The following BLTP1 variants were observed in gnomAD, a reference collection of about 807,000 sequenced individuals.
BLTP1 encodes the protein fragile site-associated protein.
the BLTP1 span, chr4:122,331,627 C>T: frequency 2.0e-6 from 3 of 1,473,202 alleles, no homozygotes; most frequent in Non-Finnish European, 2.7e-6. Context: ...CAAACTTCTC[C>T]ATCCCAAAAT....
the BLTP1 span, among the ~76,000 whole-genome samples, chr4:122,268,565 TAA>T: frequency 3.8e-4 from 58 of 152,312 alleles, 1 homozygote; most frequent in Admixed American, 1.7e-3. Flanking sequence ...GGCTAGATAT[TAA>T]GAGTGTCTCA....
the BLTP1 span, among the ~76,000 whole-genome samples, chr4:122,179,389 C>G: frequency 6.6e-6 from 1 of 152,108 alleles, no homozygotes; most frequent in African/African-American, 2.4e-5. Flanking sequence ...CTATTTAGTT[C>G]ACCTGCATTA....
the BLTP1 span, among the ~76,000 whole-genome samples, chr4:122,318,455 G>A: frequency 1.3e-5 from 2 of 152,154 alleles, no homozygotes; most frequent in African/African-American, 4.8e-5. Context: ...TGAGACACAG[G>A]TCAAGTAATT....
chr4:122,160,969 C>G, the BLTP1 span: 1 of 173,816 alleles, frequency 5.8e-6, no homozygotes, highest in Non-Finnish European at 1.1e-5. Context: ...ATATTGATCA[C>G]TAAATGTAGA....
chr4:122,190,474 ATCT>A, the BLTP1 span: 5 of 918,016 alleles, frequency 5.4e-6, no homozygotes, highest in Admixed American at 6.2e-5. Context: ...AATATTTTAA[ATCT>A]TCTTGCTTAG....
At chr4:122,325,505 T>C in the BLTP1 span, 1 of 985,018 alleles carries the variant, frequency 1.0e-6, no homozygotes, top group Non-Finnish European at 1.2e-6. Flanking sequence ...CTGAGAGCCA[T>C]GAAGCAGGTG....
At chr4:122,224,381 A>T in the BLTP1 span, 1 of 1,120,234 alleles carries the variant, frequency 8.9e-7, no homozygotes, top group Non-Finnish European at 1.2e-6. Flanking sequence ...GGATTCTGAA[A>T]CCTTATAGAT....
At chr4:122,332,198 A>G in the BLTP1 span, among the ~76,000 whole-genome samples, 12 of 151,990 alleles carry the variant, frequency 7.9e-5, no homozygotes, top group African/African-American at 2.9e-4. Context: ...TAATGATACT[A>G]TTCTGATTAT....
chr4:122,227,128 A>G, the BLTP1 span: 2 of 811,496 alleles, frequency 2.5e-6, no homozygotes, highest in South Asian at 4.8e-5. Flanking sequence ...TTGTTGGGAT[A>G]TGGCTATATA....
chr4:122,279,457 C>A, the BLTP1 span, among the ~76,000 whole-genome samples: 1 of 152,102 alleles, frequency 6.6e-6, no homozygotes, highest in Non-Finnish European at 1.5e-5. Context: ...CCAAACTTCA[C>A]CATAAACTTG....
chr4:122,331,541 G>A, the BLTP1 span: 2 of 1,608,538 alleles, frequency 1.2e-6, no homozygotes, highest in African/African-American at 1.3e-5. Context: ...AGTTTGAGAA[G>A]GTAAGAAATT....
chr4:122,301,738 T>G, the BLTP1 span, among the ~76,000 whole-genome samples: 304 of 152,326 alleles, frequency 2.0e-3, 1 homozygote, highest in African/African-American at 7.0e-3. Context: ...GACGAACATT[T>G]TGTTTTTCTT....
At chr4:122,229,681 C>T in the BLTP1 span, 2 of 952,196 alleles carry the variant, frequency 2.1e-6, no homozygotes, top group African/African-American at 1.8e-5. Flanking sequence ...TCTTGTTCGC[C>T]TGTGGATTTC....
chr4:122,209,339 T>C, the BLTP1 span: 1 of 1,610,756 alleles, frequency 6.2e-7, no homozygotes, highest in Admixed American at 1.7e-5. Flanking sequence ...TCAGGAAAAG[T>C]GAGTACGTAA....
At chr4:122,261,220 C>A in the BLTP1 span, 9 of 822,044 alleles carry the variant, frequency 1.1e-5, no homozygotes, top group East Asian at 1.1e-3. Context: ...TTATTGTTTC[C>A]ACAGTATAGT....
the BLTP1 span, chr4:122,328,425 A>G: frequency 2.2e-6 from 3 of 1,385,240 alleles, no homozygotes; most frequent in Non-Finnish European, 9.9e-7. Context: ...AAAATGTTAT[A>G]TATAACTCAG....
At chr4:122,292,461 T>C in the BLTP1 span, 3 of 843,306 alleles carry the variant, frequency 3.6e-6, no homozygotes, top group East Asian at 3.7e-4. Context: ...TCTAAGATTA[T>C]TTCAGATATG....
the BLTP1 span, among the ~76,000 whole-genome samples, chr4:122,322,270 T>A: frequency 2.1e-3 from 319 of 151,994 alleles, no homozygotes; most frequent in Non-Finnish European, 3.5e-3. Flanking sequence ...TATTGATATA[T>A]CCTCAAGTTC....
chr4:122,194,705 T>C, the BLTP1 span: 1 of 839,580 alleles, frequency 1.2e-6, no homozygotes, highest in Admixed American at 6.2e-5. Flanking sequence ...GTGATTCTTC[T>C]TAAACTGTAT....
Sources: gnomAD v4.1 joint callset for allele counts (sites outside exome capture counted in the v4.1 genomes callset) on GRCh38, gnomAD v4.1.1 for gene constraint, MANE v1.5 for transcripts, NCBI Gene and HGNC (gene_info 2026-07-23, HGNC 2026-07-21) for gene names.